DSCAM: variants seen among roughly 807,000 people sequenced by gnomAD.
DSCAM encodes the protein DS cell adhesion molecule.
A neutral mutation model predicts 217.7 loss-of-function variants in DSCAM; 47 were observed. The observed-to-expected ratio is 0.22, with a 90% confidence interval of 0.17 to 0.28. DSCAM has a LOEUF of 0.28. Ranked by LOEUF, DSCAM falls within the 10% of genes least tolerant of loss-of-function variation. DSCAM has a pLI of 1.00. For missense variants in DSCAM, 2,080 were observed against 2,618.3 expected (o/e 0.79, Z 4.49); for synonymous variants, 1,056 against 1,015.3 (o/e 1.04, Z -0.76).
At chr21:40,043,762 C>T (rs1048925737) in intron 31 of DSCAM, among the ~76,000 whole-genome samples, 4 of 152,120 alleles carry the variant, frequency 2.6e-5, no homozygotes, top group African/African-American at 4.8e-5. Flanking sequence ...ACTGCAATCA[C>T]GGGGGTGAAA....
chr21:40,701,136 A>C (rs1001956144), intron 2 of DSCAM, among the ~76,000 whole-genome samples: 43 of 152,322 alleles, frequency 2.8e-4, no homozygotes, highest in African/African-American at 1.0e-3. Context: ...ATAAATTTAA[A>C]TTCTTTAATA....
intron 3 of DSCAM, among the ~76,000 whole-genome samples, chr21:40,435,946 T>C (rs2075578883): frequency 1.3e-5 from 2 of 152,142 alleles, no homozygotes; most frequent in East Asian, 1.9e-4. Context: ...CAGTCAGCCA[T>C]GGAATCAAGA....
At chr21:40,527,085 C>T (rs1010561955) in intron 3 of DSCAM, among the ~76,000 whole-genome samples, 2 of 152,138 alleles carry the variant, frequency 1.3e-5, no homozygotes, top group African/African-American at 4.8e-5. Flanking sequence ...AGGGCATTTG[C>T]TCTGTTAAGC....
At chr21:40,425,028 G>GT (rs1225620975) in intron 3 of DSCAM, among the ~76,000 whole-genome samples, 1 of 152,082 alleles carries the variant, frequency 6.6e-6, no homozygotes. Flanking sequence ...AACCTGGGGG[G>GT]TGGAGGTTGC....
At chr21:40,476,698 G>A (rs1464104340) in intron 3 of DSCAM, among the ~76,000 whole-genome samples, 1 of 152,144 alleles carries the variant, frequency 6.6e-6, no homozygotes, top group Non-Finnish European at 1.5e-5. Context: ...CCATTGGTTA[G>A]GTGGTGGGCA....
intron 1 of DSCAM, among the ~76,000 whole-genome samples, chr21:40,742,254 T>G (rs763753356): frequency 6.6e-6 from 1 of 152,286 alleles, no homozygotes; most frequent in Admixed American, 6.5e-5. Context: ...TACTTCACTA[T>G]GCAGCTCATT....
At chr21:40,716,528 G>A (rs567524417) in intron 1 of DSCAM, among the ~76,000 whole-genome samples, 3 of 152,294 alleles carry the variant, frequency 2.0e-5, no homozygotes, top group African/African-American at 7.2e-5. Flanking sequence ...GAGGGACCTT[G>A]GAGAATTGTT....
At chr21:40,594,706 A>G (rs1035917716) in intron 3 of DSCAM, among the ~76,000 whole-genome samples, 1 of 149,542 alleles carries the variant, frequency 6.7e-6, no homozygotes, top group Non-Finnish European at 1.5e-5. Flanking sequence ...TAGATAATCA[A>G]TAACTTGTAT....
chr21:40,722,824 A>T (rs1382742150), intron 1 of DSCAM, among the ~76,000 whole-genome samples: 1 of 152,132 alleles, frequency 6.6e-6, no homozygotes, highest in Non-Finnish European at 1.5e-5. Flanking sequence ...AAGTAAAAAA[A>T]ATAGAAAAAA....
chr21:40,187,272 C>A lies in DSCAM; in HGVS notation c.2651-13G>T, dbSNP rs1226377496. 6.2e-7 allele frequency: 1 copy of A among 1,613,368 alleles called. No individual in the cohort carries two copies. The highest frequency in any genetic ancestry group is 1.7e-5 in the Admixed American group (1 of 59,936). ...GGGTCTGGGGGCTCTGTGCCATCAA[C>A]AGAAAGACTACGAGTTAGTTCAAAC... is the stretch of plus-strand genomic sequence containing the variant. On this transcript the variant is annotated splice_polypyrimidine_tract_variant and intron_variant, in intron 13 of 32. Coordinates refer to ENST00000400454, the MANE Select transcript of DSCAM (RefSeq NM_001389.5).
In DSCAM at chr21:40,019,787, C is replaced by A. The variant is rs2088228770; in HGVS notation, c.5687-6401G>T. Reference sequence around the variant, plus strand: ...ATAAACACTGGCAAAGGCAAATGCCCAGTCTTAGTACTTGTTTCAGTAAAA... The same window carrying A: ...ATAAACACTGGCAAAGGCAAATGCCAAGTCTTAGTACTTGTTTCAGTAAAA... On this transcript the variant is annotated intron_variant, in intron 32 of 32. Transcript: ENST00000400454. Among the ~76,000 whole-genome samples, 3 of 152,326 alleles carry A rather than the reference C, an allele frequency of 2.0e-5. No individual in the cohort carries two copies. The South Asian group carries it at 6.2e-4, about 32-fold the overall frequency.
At chr21:40,494,428 A>C (rs1318553962) in intron 3 of DSCAM, among the ~76,000 whole-genome samples, 1 of 152,198 alleles carries the variant, frequency 6.6e-6, no homozygotes, top group Admixed American at 6.5e-5. Context: ...ACTAGAAATC[A>C]ATAACAGGAG....
chr21:40,551,812 T>C (rs2076632184), intron 3 of DSCAM, among the ~76,000 whole-genome samples: 1 of 152,188 alleles, frequency 6.6e-6, no homozygotes, highest in South Asian at 2.1e-4. Flanking sequence ...TGCTCAGTCG[T>C]GTCTAAACTC....
intron 3 of DSCAM, among the ~76,000 whole-genome samples, chr21:40,467,412 T>C (rs2075854030): frequency 6.6e-6 from 1 of 152,246 alleles, no homozygotes; most frequent in Non-Finnish European, 1.5e-5. Flanking sequence ...TGTCTATATC[T>C]GCAGAAGTTT....
chr21:40,671,282 T>C (rs879286363), intron 3 of DSCAM, among the ~76,000 whole-genome samples: 1 of 152,190 alleles, frequency 6.6e-6, no homozygotes, highest in Non-Finnish European at 1.5e-5. Context: ...GATCCAAAGT[T>C]TGAACACTGT....
At chr21:40,183,337 T>A (rs956485904) in intron 14 of DSCAM, among the ~76,000 whole-genome samples, 3 of 152,184 alleles carry the variant, frequency 2.0e-5, no homozygotes, top group Admixed American at 2.0e-4. Context: ...TCAGAAAATA[T>A]GGCAACCAAG....
intron 30 of DSCAM, among the ~76,000 whole-genome samples, chr21:40,048,160 G>A (rs981911792): frequency 1.3e-5 from 2 of 152,172 alleles, no homozygotes; most frequent in African/African-American, 4.8e-5. Context: ...CATCACCCAC[G>A]TTAAGAGCTG....
intron 3 of DSCAM, among the ~76,000 whole-genome samples, chr21:40,458,887 T>C (rs2075784100): frequency 6.6e-6 from 1 of 152,078 alleles, no homozygotes; most frequent in African/African-American, 2.4e-5. Flanking sequence ...GAATTCACTC[T>C]TGAATCACAA....
chr21:40,457,695 A>G lies in DSCAM; in HGVS notation c.509-88450T>C, dbSNP rs182709649. On this transcript the variant is annotated intron_variant, in intron 3 of 32. Coordinates refer to ENST00000400454, the MANE Select transcript of DSCAM (RefSeq NM_001389.5). ...AGGGGAAAATGCAAAATAAAGATAT[A>G]AAGAGAAAGAATAACGTAAAATATG... Among the ~76,000 whole-genome samples the G allele has an allele frequency of 4.1e-3, 617 of 152,316 alleles. 5 individuals are homozygous for G. Among genetic ancestry groups the G allele is most frequent in the Non-Finnish European group, 4.9e-3 (334 of 68,028 alleles).
Sources: gnomAD v4.1 joint callset for allele counts (sites outside exome capture counted in the v4.1 genomes callset) on GRCh38, gnomAD v4.1.1 for gene constraint, MANE v1.5 for transcripts, NCBI Gene and HGNC (gene_info 2026-07-23, HGNC 2026-07-21) for gene names.